EXT1: variants seen among roughly 807,000 people sequenced by gnomAD.
EXT1 encodes the protein exostosin glycosyltransferase 1.
A neutral mutation model predicts 82.5 loss-of-function variants in EXT1; 20 were observed. The ratio of observed to expected loss-of-function variants is 0.24; its 90% CI spans 0.17 to 0.35. EXT1 has a LOEUF of 0.35. EXT1 is among the 10% of genes least tolerant of loss of function. The probability of loss-of-function intolerance (pLI) is 1.00; values close to 1 mark genes in which losing one functional copy is unlikely to be tolerated. For synonymous variants in EXT1, 348 were observed against 350.8 expected, an observed-to-expected ratio of 0.99 and a Z score of 0.09; for missense variants, 757 against 936.5, an observed-to-expected ratio of 0.81 and a Z score of 2.50.
At chr8:118,004,333 A>AT (rs879578495) in intron 1 of EXT1, among the ~76,000 whole-genome samples, 16 of 152,354 alleles carry the variant, frequency 1.1e-4, no homozygotes, top group Admixed American at 8.5e-4. Flanking sequence ...GGGTATATGC[A>AT]TATGTGTGTT....
chr8:118,058,289 C>G (rs1816827692), intron 1 of EXT1, among the ~76,000 whole-genome samples: 1 of 152,108 alleles, frequency 6.6e-6, no homozygotes, highest in Non-Finnish European at 1.5e-5. Flanking sequence ...AGCCACACTA[C>G]CAGCAAGAAG....
intron 1 of EXT1, among the ~76,000 whole-genome samples, chr8:117,991,639 G>A (rs573716746): frequency 2.3e-4 from 35 of 152,204 alleles, no homozygotes; most frequent in African/African-American, 6.0e-4. Flanking sequence ...TCAGCTCACT[G>A]CAACCTCCAC....
intron 1 of EXT1, among the ~76,000 whole-genome samples, chr8:117,889,816 T>A (rs986514132): frequency 5.3e-5 from 8 of 152,170 alleles, no homozygotes; most frequent in African/African-American, 1.9e-4. Flanking sequence ...GAGATCTAAC[T>A]ACATAGGAAA....
At chr8:117,905,766 C>T (rs1813532584) in intron 1 of EXT1, among the ~76,000 whole-genome samples, 1 of 152,204 alleles carries the variant, frequency 6.6e-6, no homozygotes, top group Admixed American at 6.5e-5. Context: ...GAGCCGAGAT[C>T]GCGCCACTGC....
chr8:117,994,177 T>A (rs1157110416), intron 1 of EXT1, among the ~76,000 whole-genome samples: 1 of 152,212 alleles, frequency 6.6e-6, no homozygotes, highest in Non-Finnish European at 1.5e-5. Flanking sequence ...GTACTTAATA[T>A]CTACATGTGG....
chr8:118,041,892 G>A (rs1816538045), intron 1 of EXT1, among the ~76,000 whole-genome samples: 1 of 150,938 alleles, frequency 6.6e-6, no homozygotes, highest in South Asian at 2.1e-4. Flanking sequence ...AGGTTGCAGT[G>A]AGCTGAGATC....
At chr8:117,887,388 T>C (rs1033858322) in intron 1 of EXT1, among the ~76,000 whole-genome samples, 3 of 152,186 alleles carry the variant, frequency 2.0e-5, no homozygotes, top group East Asian at 3.9e-4. Flanking sequence ...AGTCTCACTT[T>C]GTCGCCAGGC....
At chr8:117,981,239 T>C (rs1815196292) in intron 1 of EXT1, among the ~76,000 whole-genome samples, 1 of 152,188 alleles carries the variant, frequency 6.6e-6, no homozygotes, top group Non-Finnish European at 1.5e-5. Context: ...ATTTTTAAGA[T>C]TATCAATGCC....
At chr8:117,859,362 A>G (rs541770503) in intron 1 of EXT1, among the ~76,000 whole-genome samples, 2 of 152,368 alleles carry the variant, frequency 1.3e-5, no homozygotes, top group South Asian at 4.1e-4. Context: ...GTCAGCAACT[A>G]CACAATATAT....
rs1473703294 is a variant in EXT1 at position 117,862,486 on chromosome 8, A to G, written c.963-25285T>C. On this transcript the variant is annotated intron_variant, in intron 1 of 10. Transcript: ENST00000378204. ...AGGAGGAATCAGGGTTGACCACCTC[A>G]GAAGGGAGAAATATATTGAATCCAC... Among the ~76,000 whole-genome samples, 2 of 145,934 alleles carry G rather than the reference A, an allele frequency of 1.4e-5. 1 individual carries two copies. The highest frequency in any genetic ancestry group is 4.9e-5 in the African/African-American group (2 of 41,086).
intron 1 of EXT1, among the ~76,000 whole-genome samples, chr8:118,082,803 C>A (rs375281953): frequency 2.0e-5 from 3 of 152,144 alleles, no homozygotes; most frequent in African/African-American, 7.2e-5. Context: ...ACCCACATGC[C>A]CGGTGAAATC....
intron 1 of EXT1, among the ~76,000 whole-genome samples, chr8:117,895,625 C>G (rs1310243160): frequency 6.6e-6 from 1 of 152,134 alleles, no homozygotes; most frequent in Admixed American, 6.6e-5. Flanking sequence ...ATGCCAATTA[C>G]AGAAAATAAT....
intron 1 of EXT1, among the ~76,000 whole-genome samples, chr8:117,878,697 C>CTGT: frequency 6.6e-6 from 1 of 152,216 alleles, no homozygotes; most frequent in East Asian, 1.9e-4. Context: ...GCTGTAAATG[C>CTGT]AACTACCTCA....
At chr8:117,905,900 A>T (rs1813535493) in intron 1 of EXT1, among the ~76,000 whole-genome samples, 1 of 152,194 alleles carries the variant, frequency 6.6e-6, no homozygotes, top group Non-Finnish European at 1.5e-5. Flanking sequence ...TCAGAAGAAA[A>T]AGACCATGAA....
At chr8:117,973,092 T>C (rs1216472023) in intron 1 of EXT1, among the ~76,000 whole-genome samples, 1 of 152,240 alleles carries the variant, frequency 6.6e-6, no homozygotes, top group Non-Finnish European at 1.5e-5. Flanking sequence ...TGTAGTATTT[T>C]AGAACCATTG....
intron 1 of EXT1, among the ~76,000 whole-genome samples, chr8:118,101,291 C>A (rs1395888571): frequency 1.3e-5 from 2 of 152,162 alleles, no homozygotes; most frequent in Admixed American, 1.3e-4. Context: ...GGGCCACAGG[C>A]TCTCCCTTTT....
chr8:117,952,116 A>G (rs1814501672), intron 1 of EXT1, among the ~76,000 whole-genome samples: 1 of 152,208 alleles, frequency 6.6e-6, no homozygotes, highest in South Asian at 2.1e-4. Context: ...CACAGCTCCT[A>G]GTGGCTTCCA....
intron 1 of EXT1, among the ~76,000 whole-genome samples, chr8:118,074,569 A>G (rs1483615551): frequency 5.3e-4 from 62 of 116,378 alleles, no homozygotes; most frequent in Non-Finnish European, 7.7e-4. Context: ...GAGAGAGAGA[A>G]GAGAGAAAAA....
At chr8:117,917,300 C>G (rs1212922073) in intron 1 of EXT1, among the ~76,000 whole-genome samples, 1 of 151,988 alleles carries the variant, frequency 6.6e-6, no homozygotes, top group Non-Finnish European at 1.5e-5. Context: ...ATGGCTTAAT[C>G]CCGTCTCTAC....
Sources: gnomAD v4.1 joint callset for allele counts (sites outside exome capture counted in the v4.1 genomes callset) on GRCh38, gnomAD v4.1.1 for gene constraint, MANE v1.5 for transcripts, NCBI Gene and HGNC (gene_info 2026-07-23, HGNC 2026-07-21) for gene names.